Variants in CD82 observed in about 807,000 individuals in gnomAD.
CD82 encodes the protein CD82 molecule, also known as CD82 antigen.
Under a neutral mutation model 37.4 loss-of-function variants are expected in CD82, and 36 were observed. The observed-to-expected ratio is 0.96, with a 90% confidence interval of 0.74 to 1.27. The LOEUF (loss-of-function observed/expected upper bound fraction) is 1.27, where lower values mean the gene tolerates loss of function less well. Ranked by LOEUF, CD82 falls within the 50% of genes most tolerant of loss-of-function variation. The pLI is 0.00. For missense variants in CD82, 340 were observed against 347.0 expected (o/e 0.98, Z 0.16); for synonymous variants, 158 against 137.4 (o/e 1.15, Z -1.05).
intron 2 of CD82, among the ~76,000 whole-genome samples, chr11:44,592,632 A>T (rs1181505323): frequency 6.6e-6 from 1 of 152,204 alleles, no homozygotes; most frequent in Non-Finnish European, 1.5e-5. Context: ...TCCTTGATGT[A>T]GTGCAGACTC....
intron 6 of CD82, among the ~76,000 whole-genome samples, chr11:44,607,190 A>G (rs1327406754): frequency 6.6e-6 from 1 of 152,252 alleles, no homozygotes; most frequent in African/African-American, 2.4e-5. Flanking sequence ...ACCAACATCA[A>G]CATCAACAAA....
upstream of CD82, among the ~76,000 whole-genome samples, chr11:44,564,720 G>A (rs1300419280): frequency 2.0e-5 from 3 of 152,192 alleles, no homozygotes; most frequent in East Asian, 3.9e-4. Flanking sequence ...GCAGCTGCTG[G>A]GCACTGCCCC....
intron 2 of CD82, among the ~76,000 whole-genome samples, chr11:44,593,909 T>G (rs149581252): frequency 2.0e-5 from 3 of 152,098 alleles, no homozygotes; most frequent in African/African-American, 4.8e-5. Context: ...TATCAACATA[T>G]AGAGAGTGAA....
intron 1 of CD82, among the ~76,000 whole-genome samples, chr11:44,576,000 A>T (rs1208092419): frequency 1.3e-5 from 2 of 152,138 alleles, no homozygotes; most frequent in Non-Finnish European, 2.9e-5. Flanking sequence ...TTCCCTGAAC[A>T]CTGCACCGGC....
At chr11:44,602,088 C>T (rs1310097242) in intron 4 of CD82, among the ~76,000 whole-genome samples, 2 of 152,150 alleles carry the variant, frequency 1.3e-5, no homozygotes, top group African/African-American at 2.4e-5. Context: ...TGTTTAAGGG[C>T]ACACAGCAAG....
intron 1 of CD82, among the ~76,000 whole-genome samples, chr11:44,571,816 C>T (rs893416156): frequency 1.4e-4 from 22 of 152,178 alleles, no homozygotes; most frequent in African/African-American, 5.3e-4. Context: ...CTCAAGTGAT[C>T]CTCCAGCCTT....
intron 7 of CD82, among the ~76,000 whole-genome samples, chr11:44,617,908 C>T (rs1853589040): frequency 6.6e-6 from 1 of 152,210 alleles, no homozygotes; most frequent in Admixed American, 6.5e-5. Flanking sequence ...GAACTGTCTG[C>T]CGTCCATTCT....
At chr11:44,614,116 A>C (rs1298992695) in intron 6 of CD82, among the ~76,000 whole-genome samples, 3 of 152,098 alleles carry the variant, frequency 2.0e-5, no homozygotes, top group Admixed American at 6.5e-5. Context: ...GGGTTCAAGC[A>C]ATTCTCCTGC....
chr11:44,573,092 G>A (rs1271550702), intron 1 of CD82: 2 of 152,274 alleles, frequency 1.3e-5, no homozygotes, highest in Non-Finnish European at 2.9e-5. Flanking sequence ...CTCCCAGGGC[G>A]TGGCGTGAAG....
At chr11:44,611,162 G>A (rs1443190960) in intron 6 of CD82, among the ~76,000 whole-genome samples, 1 of 152,112 alleles carries the variant, frequency 6.6e-6, no homozygotes, top group Non-Finnish European at 1.5e-5. Flanking sequence ...TTAAACAAGG[G>A]GCCCTGCATT....
At chr11:44,584,617 G>A (rs1310148738) in intron 1 of CD82, among the ~76,000 whole-genome samples, 4 of 152,082 alleles carry the variant, frequency 2.6e-5, no homozygotes, top group Admixed American at 6.5e-5. Context: ...GAAACCTGAG[G>A]CCCTCGTCCT....
In CD82 at chr11:44,583,107, A is replaced by AT. The variant is rs1311374689; in HGVS notation, c.-102-4367dup. The stretch of plus-strand genomic sequence containing the variant: ...GTCAAAGGCCATTCCGGCACTGTGA[A>AT]TCTGAGTGTGAGTCTTGGCACCTAG... On this transcript the variant is annotated intron_variant, in intron 1 of 9. Coordinates refer to ENST00000227155, the MANE Select transcript of CD82 (RefSeq NM_002231.4). Among the ~76,000 whole-genome samples, 4 of 152,330 alleles carry AT rather than the reference A, an allele frequency of 2.6e-5. No homozygotes were observed. In the East Asian group the frequency reaches 7.7e-4, roughly 29 times the overall value.
intron 4 of CD82, 136 bp downstream of exon 4, chr11:44,600,366 TC>T (rs1448591849): frequency 2.6e-6 from 2 of 782,714 alleles, no homozygotes; most frequent in East Asian, 5.4e-5. Context: ...TGTGGCGAGG[TC>T]CTGCTGCCCA....
intron 3 of CD82, among the ~76,000 whole-genome samples, chr11:44,598,187 G>A (rs1294094923): frequency 6.6e-6 from 1 of 151,654 alleles, no homozygotes; most frequent in Non-Finnish European, 1.5e-5. Flanking sequence ...GGGAGACACT[G>A]GGGGGCAGAC....
intron 2 of CD82, among the ~76,000 whole-genome samples, chr11:44,594,001 ACAC>A (rs1853183705): frequency 6.6e-6 from 1 of 151,350 alleles, no homozygotes; most frequent in African/African-American, 2.4e-5. Context: ...TTATACACAC[ACAC>A]ACACACACAC....
intron 1 of CD82, among the ~76,000 whole-genome samples, chr11:44,567,729 G>A (rs35204532): frequency 0.027 from 4,169 of 152,142 alleles, 200 homozygotes; most frequent in African/African-American, 0.095. Context: ...AATGACAAGC[G>A]ACCACATAAG....
chr11:44,602,122 T>C (rs11607999), intron 4 of CD82, among the ~76,000 whole-genome samples: 34,761 of 152,136 alleles, frequency 0.23, 4,299 homozygotes, highest in East Asian at 0.32. Context: ...TGGCTGCAGA[T>C]GAGGTAGCCT....
intron 1 of CD82, among the ~76,000 whole-genome samples, chr11:44,583,101 CT>C (rs1240911584): frequency 1.3e-5 from 2 of 152,210 alleles, no homozygotes; most frequent in Non-Finnish European, 2.9e-5. Flanking sequence ...CATTCCGGCA[CT>C]GTGAATCTGA....
intron 1 of CD82, among the ~76,000 whole-genome samples, chr11:44,567,259 G>A (rs142726802): frequency 6.6e-6 from 1 of 152,322 alleles, no homozygotes; most frequent in East Asian, 1.9e-4. Flanking sequence ...ACTGAAGGAC[G>A]CTGAAGGTGC....
Sources: allele counts gnomAD v4.1 joint callset (sites outside exome capture counted in the v4.1 genomes callset), GRCh38; gene constraint gnomAD v4.1.1; transcripts MANE v1.5; gene names NCBI Gene and HGNC (gene_info 2026-07-23, HGNC 2026-07-21).